Variants in PPP3CA observed in about 807,000 individuals in gnomAD.
The protein encoded by PPP3CA is CAM-PRP catalytic subunit.
A neutral mutation model predicts 66.5 loss-of-function variants in PPP3CA; 14 were observed. The observed-to-expected ratio is 0.21, with a 90% confidence interval of 0.14 to 0.33. PPP3CA has a LOEUF of 0.33. Among genes scored for constraint, PPP3CA ranks in the 10% least tolerant of loss-of-function variants. PPP3CA has a pLI of 1.00. For synonymous variants in PPP3CA, 232 were observed against 226.2 expected, an observed-to-expected ratio of 1.03 and a Z score of -0.23; for missense variants, 317 against 639.5, an observed-to-expected ratio of 0.50 and a Z score of 5.44.
At chr4:101,159,519 A>AT (rs34999825) in intron 2 of PPP3CA, among the ~76,000 whole-genome samples, 5 of 152,138 alleles carry the variant, frequency 3.3e-5, no homozygotes, top group African/African-American at 7.2e-5. Flanking sequence ...ACTGTGACAG[A>AT]TTTTTTACCA....
In PPP3CA at chr4:101,316,280, T is replaced by G. The variant is rs137964291; in HGVS notation, c.58+30459A>C. 1.8e-3 allele frequency among the ~76,000 whole-genome samples: 278 copies of G among 151,542 alleles called. 1 individual carries two copies. Among genetic ancestry groups the G allele is most frequent in the African/African-American group, 6.4e-3 (264 of 41,256 alleles). The stretch of plus-strand genomic sequence containing the variant: ...AGGAATTTGCATATATTCTCCAATT[T>G]ATTCATAATATAATCAAATTTTTCA... On this transcript the variant is annotated intron_variant, in intron 1 of 13. Coordinates refer to ENST00000394854, the MANE Select transcript of PPP3CA (RefSeq NM_000944.5).
At chr4:101,062,893 T>C (rs1274787673) in intron 9 of PPP3CA, among the ~76,000 whole-genome samples, 1 of 152,026 alleles carries the variant, frequency 6.6e-6, no homozygotes, top group Non-Finnish European at 1.5e-5. Flanking sequence ...TTTGGGATTA[T>C]AGTACAAATG....
At chr4:101,042,113 A>C (rs1203622344) in intron 10 of PPP3CA, among the ~76,000 whole-genome samples, 1 of 151,594 alleles carries the variant, frequency 6.6e-6, no homozygotes, top group Non-Finnish European at 1.5e-5. Context: ...CAACATTTCC[A>C]TGAGAAAGAA....
At chr4:101,285,591 C>CTGTGTGTGTG (rs1394871373) in intron 1 of PPP3CA, among the ~76,000 whole-genome samples, 10 of 131,860 alleles carry the variant, frequency 7.6e-5, no homozygotes, top group African/African-American at 2.6e-4. Context: ...TCAAATGCCA[C>CTGTGTGTGTG]TGTGTGTATG....
chr4:101,192,560 A>G lies in PPP3CA; in HGVS notation c.259+3356T>C, dbSNP rs147862979. On this transcript the variant is annotated intron_variant, in intron 2 of 13. Coordinates refer to ENST00000394854, the MANE Select transcript of PPP3CA (RefSeq NM_000944.5). ...CCCTTCTGAAACCCTGCCTTCTCAC[A>G]GCAAACCTCAAAGAACATAACTAGC... Among the ~76,000 whole-genome samples the G allele has an allele frequency of 1.4e-3, 209 of 152,268 alleles. 1 individual carries two copies. The highest frequency in any genetic ancestry group is 8.1e-3 in the East Asian group (42 of 5,188).
intron 2 of PPP3CA, among the ~76,000 whole-genome samples, chr4:101,110,285 TA>T (rs1166262970): frequency 6.6e-5 from 10 of 152,206 alleles, no homozygotes; most frequent in Admixed American, 6.5e-4. Flanking sequence ...TAAAATGTTT[TA>T]AATTTTATTT....
chr4:101,316,380 A>T (rs931486974), intron 1 of PPP3CA, among the ~76,000 whole-genome samples: 2 of 152,102 alleles, frequency 1.3e-5, no homozygotes, highest in Admixed American at 6.5e-5. Flanking sequence ...CATTGGAATC[A>T]TCTCATTATA....
chr4:101,126,359 T>C (rs578004812), intron 2 of PPP3CA, among the ~76,000 whole-genome samples: 209 of 152,338 alleles, frequency 1.4e-3, no homozygotes, highest in Non-Finnish European at 2.4e-3. Context: ...GATCTAATCT[T>C]CGTTGATTCA....
chr4:101,098,981 T>G (rs975807923), intron 4 of PPP3CA, among the ~76,000 whole-genome samples: 1 of 152,168 alleles, frequency 6.6e-6, no homozygotes, highest in Non-Finnish European at 1.5e-5. Flanking sequence ...AGGAGAAGTC[T>G]TTATGCTCCA....
chr4:101,273,780 A>T (rs79949517), intron 1 of PPP3CA, among the ~76,000 whole-genome samples: 5,778 of 152,272 alleles, frequency 0.038, 348 homozygotes, highest in African/African-American at 0.13. Context: ...AGAACTATTC[A>T]AGCAAAAATG....
intron 2 of PPP3CA, among the ~76,000 whole-genome samples, chr4:101,142,487 G>A (rs1167985111): frequency 5.9e-5 from 9 of 152,132 alleles, no homozygotes; most frequent in Admixed American, 5.2e-4. Flanking sequence ...CAATCACTGA[G>A]TGTCAATTAT....
At chr4:101,032,676 T>C (rs1364694498) in intron 11 of PPP3CA, among the ~76,000 whole-genome samples, 1 of 152,074 alleles carries the variant, frequency 6.6e-6, no homozygotes, top group Non-Finnish European at 1.5e-5. Context: ...ATACAAAGTG[T>C]TTGTTGTGCA....
chr4:101,284,659 CT>C (rs967694599), intron 1 of PPP3CA, among the ~76,000 whole-genome samples: 85 of 149,216 alleles, frequency 5.7e-4, no homozygotes, highest in South Asian at 1.5e-3. Context: ...ACCCCCATGT[CT>C]TTTTTTTTTC....
chr4:101,243,633 G>A (rs1404069192), intron 1 of PPP3CA, among the ~76,000 whole-genome samples: 1 of 152,144 alleles, frequency 6.6e-6, no homozygotes, highest in African/African-American at 2.4e-5. Flanking sequence ...GATATCCACA[G>A]GTTACATGCA....
At chr4:101,093,499 AT>A (rs1730052079) in intron 6 of PPP3CA, among the ~76,000 whole-genome samples, 1 of 152,224 alleles carries the variant, frequency 6.6e-6, no homozygotes, top group South Asian at 2.1e-4. Flanking sequence ...AACCAAAAAA[AT>A]AATGACTTGC....
chr4:101,269,574 GT>G (rs1727271645), intron 1 of PPP3CA, among the ~76,000 whole-genome samples: 1 of 101,718 alleles, frequency 9.8e-6, no homozygotes. Context: ...GTGTGTGTGT[GT>G]GTGTGTGTGT....
At chr4:101,144,653 C>A (rs545770566) in intron 2 of PPP3CA, among the ~76,000 whole-genome samples, 1 of 152,092 alleles carries the variant, frequency 6.6e-6, no homozygotes, top group Non-Finnish European at 1.5e-5. Context: ...GACTATGATA[C>A]CACTAAGGGC....
chr4:101,090,616 T>C (rs1273634636), intron 6 of PPP3CA, among the ~76,000 whole-genome samples: 1 of 121,838 alleles, frequency 8.2e-6, no homozygotes, highest in Non-Finnish European at 1.6e-5. Flanking sequence ...CACTCCAGCC[T>C]GGGTGACAGA....
rs2110199184 is a variant in PPP3CA at position 101,024,174 on chromosome 4, G to GAAGT, written c.*1687_*1690dup. 6.6e-6 allele frequency: 1 copy of GAAGT among 152,300 alleles called. No homozygotes were observed. The highest frequency in any genetic ancestry group is 2.4e-5 in the African/African-American group (1 of 41,558). 9.4% of individuals were successfully genotyped at this position (152,300 alleles called of 1,614,324 possible). A position where few individuals can be genotyped will look rare whatever the true frequency, so the allele number is the denominator to read the frequency against. ...TCCACCAAGATTCTTTCTTACAGTG[G>GAAGT]AAGTAGGCACCACCCCTCAGATCAC... On this transcript the variant is annotated 3_prime_UTR_variant, in exon 14 of 14. Coordinates refer to ENST00000394854, the MANE Select transcript of PPP3CA (RefSeq NM_000944.5).
Sources: gnomAD v4.1 joint callset for allele counts (sites outside exome capture counted in the v4.1 genomes callset) on GRCh38, gnomAD v4.1.1 for gene constraint, MANE v1.5 for transcripts, NCBI Gene and HGNC (gene_info 2026-07-23, HGNC 2026-07-21) for gene names.